Variants in ZMYM6 observed in about 807,000 individuals in gnomAD.
The protein encoded by ZMYM6 is zinc finger MYM-type containing 6, also known as zinc finger MYM-type protein 6.
A neutral mutation model predicts 134.0 loss-of-function variants in ZMYM6; 90 were observed. The ratio of observed to expected loss-of-function variants is 0.67; its 90% CI spans 0.57 to 0.80. ZMYM6 has a LOEUF of 0.80. Ranked by LOEUF, ZMYM6 falls within the 30% of genes least tolerant of loss-of-function variation. The pLI is 0.00. For synonymous variants in ZMYM6, 481 were observed against 524.1 expected, an observed-to-expected ratio of 0.92 and a Z score of 1.12; for missense variants, 1,362 against 1,533.9, an observed-to-expected ratio of 0.89 and a Z score of 1.87.
At chr1:35,025,359 C>T (rs1255170717) in intron 2 of ZMYM6, among the ~76,000 whole-genome samples, 2 of 149,574 alleles carry the variant, frequency 1.3e-5, no homozygotes, top group Non-Finnish European at 3.0e-5. Context: ...CCCAGCTACT[C>T]GGCAGGCTGA....
chr1:35,030,272 A>T (rs886325030), intron 2 of ZMYM6: 1 of 289,360 alleles, frequency 3.5e-6, no homozygotes, highest in Admixed American at 5.3e-5. Flanking sequence ...TCTACCAAAA[A>T]TACAAAAAAA....
intron 1 of ZMYM6, 165 bp from the exon 2 acceptor site, chr1:35,030,878 G>C: frequency 2.0e-6 from 1 of 492,844 alleles, no homozygotes; most frequent in Non-Finnish European, 3.5e-6. Context: ...TCCTTCAGTA[G>C]CTACATAAGA....
Position 35,030,588 on chromosome 1 carries a change from C to G in ZMYM6, c.52G>C (p.Glu18Gln). ...TCTTCTTTAATTTTGTCCAGAAGCTCCTGCTGTGGTACCACTGCTTTGCCA... is the reference window on the plus strand; with the variant it reads ...TCTTCTTTAATTTTGTCCAGAAGCTGCTGCTGTGGTACCACTGCTTTGCCA... ...ECGKAVVPQQ[E>Q]LLDKIKEEPD... Residue 18 changes from glutamate to glutamine, a missense_variant, in exon 2 of 16, where the codon GAG becomes CAG. Transcript: ENST00000357182. 1 of 1,613,594 alleles carries G rather than the reference C, an allele frequency of 6.2e-7. No homozygotes were observed. The highest frequency in any genetic ancestry group is 1.1e-5 in the South Asian group (1 of 91,026).
intron 4 of ZMYM6, among the ~76,000 whole-genome samples, chr1:35,015,552 C>T (rs549254008): frequency 1.3e-5 from 2 of 151,114 alleles, no homozygotes; most frequent in East Asian, 3.9e-4. Flanking sequence ...GGTGAAACCT[C>T]GTCTCTACTA....
At chr1:35,024,201 CCTT>C (rs1194672198) in intron 2 of ZMYM6, among the ~76,000 whole-genome samples, 1 of 152,130 alleles carries the variant, frequency 6.6e-6, no homozygotes, top group African/African-American at 2.4e-5. Flanking sequence ...GAAAAGGAAA[CCTT>C]CTTTTTAGCT....
chr1:35,010,282 A>C (rs1009363439), intron 10 of ZMYM6, among the ~76,000 whole-genome samples, 165 bp downstream of exon 10: 1 of 152,198 alleles, frequency 6.6e-6, no homozygotes, highest in Admixed American at 6.5e-5. Context: ...CAGCCTCCCA[A>C]AATGCTGGGA....
At position 35,012,470 on chromosome 1, in the gene ZMYM6, A is replaced by G. The variant is rs748860517; in HGVS notation, c.907T>C (p.Cys303Arg). The part of the protein sequence containing the change: ...GKTELFCSIN[C>R]LSAYRVKTVT... The stretch of plus-strand genomic sequence containing the variant: ...GTCTTAACTCTGTAAGCAGATAAGC[A>G]ATTAATAGAGCAGAAAAGCTCTGTT... Residue 303 changes from cysteine to arginine, a missense_variant, in exon 7 of 16, where the codon TGC becomes CGC. Transcript: ENST00000357182. 5 of 1,609,914 alleles carry G rather than the reference A, an allele frequency of 3.1e-6. No individual in the cohort carries two copies. The highest frequency in any genetic ancestry group is 4.2e-6 in the Non-Finnish European group (5 of 1,178,688).
At chr1:34,999,188 G>A (rs959800437) in intron 14 of ZMYM6, among the ~76,000 whole-genome samples, 1 of 152,194 alleles carries the variant, frequency 6.6e-6, no homozygotes, top group Non-Finnish European at 1.5e-5. Context: ...ATGATGTCCT[G>A]GAAGTTGAAT....
chr1:35,013,041 C>A (rs1161478089), intron 6 of ZMYM6: 41 of 951,812 alleles, frequency 4.3e-5, no homozygotes, highest in Non-Finnish European at 4.0e-5. Flanking sequence ...ACACAACTAC[C>A]TATTTTTCAA....
At chr1:35,013,223 G>T in intron 6 of ZMYM6, 1 of 700,926 alleles carries the variant, frequency 1.4e-6, no homozygotes, top group East Asian at 1.3e-4. Context: ...CAACAACAGA[G>T]TGAGGCGCTC....
At chr1:34,992,936 G>T (rs1291340074) in intron 14 of ZMYM6, among the ~76,000 whole-genome samples, 1 of 147,562 alleles carries the variant, frequency 6.8e-6, no homozygotes, top group African/African-American at 2.5e-5. Flanking sequence ...TCAAAACAAT[G>T]AAAACAATTG....
intron 14 of ZMYM6, among the ~76,000 whole-genome samples, chr1:34,996,892 G>A (rs1388847994): frequency 1.3e-5 from 2 of 152,156 alleles, no homozygotes; most frequent in Non-Finnish European, 2.9e-5. Context: ...ATAACTCAGA[G>A]TGAATGCACC....
intron 14 of ZMYM6, among the ~76,000 whole-genome samples, chr1:34,996,232 A>C (rs905734054): frequency 3.3e-5 from 5 of 152,202 alleles, no homozygotes; most frequent in Admixed American, 6.5e-5. Context: ...ATCCTAGTCA[A>C]TAGAGTATTA....
At chr1:34,991,854 TG>T (rs1640681674) in intron 15 of ZMYM6, among the ~76,000 whole-genome samples, 1 of 152,094 alleles carries the variant, frequency 6.6e-6, no homozygotes, top group African/African-American at 2.4e-5. Context: ...CTAAGGGTAG[TG>T]GGATTAAAAG....
intron 1 of ZMYM6, 28 bp from the exon 2 acceptor site, chr1:35,030,741 T>C: frequency 8.5e-7 from 1 of 1,180,906 alleles, no homozygotes; most frequent in Non-Finnish European, 1.2e-6. Flanking sequence ...GCTTATTCTT[T>C]TTTCTTCAGG....
intron 14 of ZMYM6, among the ~76,000 whole-genome samples, chr1:34,995,053 C>T (rs976450318): frequency 1.6e-5 from 2 of 126,280 alleles, no homozygotes; most frequent in Non-Finnish European, 3.2e-5. Flanking sequence ...TACTTACATA[C>T]GTATATATAT....
chr1:35,011,355 C>G (rs1205182072), intron 8 of ZMYM6, among the ~76,000 whole-genome samples: 1 of 152,166 alleles, frequency 6.6e-6, no homozygotes, highest in Non-Finnish European at 1.5e-5. Flanking sequence ...CTGATGGCTA[C>G]TACGACACAA....
intron 2 of ZMYM6, among the ~76,000 whole-genome samples, chr1:35,026,172 C>G (rs562179753): frequency 3.3e-5 from 5 of 152,158 alleles, no homozygotes; most frequent in African/African-American, 9.6e-5. Context: ...AGGCGCCCAC[C>G]ACCGCGCCCG....
rs1418884957 is a variant in ZMYM6 at position 35,014,989 on chromosome 1, T to A, written c.602A>T (p.Asp201Val). 5.0e-6 allele frequency: 8 copies of A among 1,610,240 alleles called. No homozygotes were observed. The highest frequency in any genetic ancestry group is 5.9e-6 in the Non-Finnish European group (7 of 1,179,222). Reference protein sequence around the residue: ...TKCSMCQKNADTRFEVKYQNV... With the variant: ...TKCSMCQKNAVTRFEVKYQNV... Reference sequence around the variant, plus strand: ...CAATAAAAGTAAAATGTAACTTACATCAGCATTCTTCTGACACATACTGCA... The same window carrying A: ...CAATAAAAGTAAAATGTAACTTACAACAGCATTCTTCTGACACATACTGCA... The change falls in exon 5 of 16, where the codon GAT becomes GTT. Residue 201 changes from aspartate (D) to valine (V), a missense_variant and splice_region_variant. Coordinates refer to ENST00000357182, the MANE Select transcript of ZMYM6 (RefSeq NM_007167.4).
Sources: allele counts gnomAD v4.1 joint callset (sites outside exome capture counted in the v4.1 genomes callset), GRCh38; gene constraint gnomAD v4.1.1; transcripts MANE v1.5; gene names NCBI Gene and HGNC (gene_info 2026-07-23, HGNC 2026-07-21).